Variants in RNGTT observed in about 807,000 individuals in gnomAD.
RNGTT encodes the protein RNA guanylyltransferase and 5'-phosphatase.
Under a neutral mutation model 79.3 loss-of-function variants are expected in RNGTT, and 33 were observed. The ratio of observed to expected loss-of-function variants is 0.42; its 90% CI spans 0.32 to 0.56. The LOEUF (loss-of-function observed/expected upper bound fraction) is 0.56, where lower values mean the gene tolerates loss of function less well. Ranked by LOEUF, RNGTT falls within the 20% of genes least tolerant of loss-of-function variation. The pLI is 0.17. For synonymous variants in RNGTT, 222 were observed against 235.9 expected, an observed-to-expected ratio of 0.94 and a Z score of 0.54; for missense variants, 497 against 739.1, an observed-to-expected ratio of 0.67 and a Z score of 3.80.
At chr6:88,760,084 T>C (rs1461442140) in intron 13 of RNGTT, among the ~76,000 whole-genome samples, 3 of 152,184 alleles carry the variant, frequency 2.0e-5, no homozygotes, top group Non-Finnish European at 2.9e-5. Context: ...AATCAAATTA[T>C]AAAACAAAGG....
chr6:88,878,246 C>G (rs1260658928), intron 8 of RNGTT, among the ~76,000 whole-genome samples: 1 of 152,030 alleles, frequency 6.6e-6, no homozygotes, highest in Non-Finnish European at 1.5e-5. Context: ...CAGATGCAAG[C>G]CACCACACCT....
At chr6:88,753,468 C>T (rs1777904668) in intron 13 of RNGTT, among the ~76,000 whole-genome samples, 1 of 151,068 alleles carries the variant, frequency 6.6e-6, no homozygotes, top group African/African-American at 2.4e-5. Context: ...CACACCACTG[C>T]ACTCTAGCCT....
At chr6:88,824,530 G>T (rs1025498925) in intron 11 of RNGTT, among the ~76,000 whole-genome samples, 2 of 151,986 alleles carry the variant, frequency 1.3e-5, no homozygotes, top group Non-Finnish European at 1.5e-5. Context: ...TAAATTAAAT[G>T]ACATTAAAAA....
intron 11 of RNGTT, among the ~76,000 whole-genome samples, chr6:88,834,607 TTTC>T (rs1253248065): frequency 1.3e-5 from 2 of 152,170 alleles, no homozygotes; most frequent in Non-Finnish European, 2.9e-5. Context: ...GCAAAAATTC[TTTC>T]TTCTCTTCAA....
At position 88,829,721 on chromosome 6, in the gene RNGTT, A is replaced by AAC. The variant is rs1554221604; in HGVS notation, c.1269+14635_1269+14636insGT. On this transcript the variant is annotated intron_variant, in intron 11 of 15. Transcript: ENST00000369485. ...GAAAGCAAAAAAAAAAAAAAAAAAA[A>AAC]AAACCAGGGGTTGCAATCCTAGTCT... Among the ~76,000 whole-genome samples the AAC allele has an allele frequency of 8.7e-4, 100 of 115,582 alleles. 2 individuals carry two copies. The highest frequency in any genetic ancestry group is 1.0e-3 in the Non-Finnish European group (53 of 53,120). 75.8% of individuals were successfully genotyped at this position (115,582 alleles called of 152,430 possible). A position where few individuals can be genotyped will look rare whatever the true frequency, so the allele number is the denominator to read the frequency against.
Position 88,709,955 on chromosome 6 carries a change from G to A in RNGTT, c.1440-31536C>T, listed in dbSNP as rs188782487. 1.2e-4 allele frequency among the ~76,000 whole-genome samples: 18 copies of A among 152,278 alleles called. No individual in the cohort carries two copies. The East Asian group carries it at 3.1e-3, about 26-fold the overall frequency. The stretch of plus-strand genomic sequence containing the variant: ...TGCTAGAAACTGTAAGTAGTGTATT[G>A]TTTGTATATAAACAAATGCAATTGA... On this transcript the variant is annotated intron_variant, in intron 13 of 15. Transcript: ENST00000369485.
intron 8 of RNGTT, among the ~76,000 whole-genome samples, chr6:88,883,343 C>T (rs1417335866): frequency 9.2e-5 from 14 of 152,132 alleles, no homozygotes. Flanking sequence ...CCTACCAAAA[C>T]CATATATTTC....
At chr6:88,678,482 AT>A in intron 13 of RNGTT, 63 bp from the exon 14 acceptor site, 1 of 1,117,610 alleles carries the variant, frequency 8.9e-7, no homozygotes, top group Non-Finnish European at 1.2e-6. Flanking sequence ...TTGTATAATT[AT>A]CAAAATTTGA....
intron 4 of RNGTT, among the ~76,000 whole-genome samples, chr6:88,925,450 G>C (rs1784288856): frequency 1.3e-5 from 2 of 151,936 alleles, no homozygotes; most frequent in East Asian, 1.9e-4. Flanking sequence ...AATTAGCAGG[G>C]TGTGGTGGTG....
intron 13 of RNGTT, among the ~76,000 whole-genome samples, chr6:88,694,414 G>A (rs530494677): frequency 2.6e-5 from 4 of 151,976 alleles, no homozygotes; most frequent in Admixed American, 1.3e-4. Context: ...GCCTACACAC[G>A]AAAAATTATA....
At chr6:88,853,521 AAG>A in intron 9 of RNGTT, 106 bp downstream of exon 9, 2 of 870,606 alleles carry the variant, frequency 2.3e-6, no homozygotes, top group South Asian at 1.7e-5. Context: ...AAAAAAAAAA[AAG>A]TTAGATTTCA....
intron 11 of RNGTT, among the ~76,000 whole-genome samples, chr6:88,833,962 A>G (rs1429146550): frequency 1.3e-5 from 2 of 152,226 alleles, no homozygotes; most frequent in African/African-American, 4.8e-5. Flanking sequence ...CAGAAGTTGC[A>G]GTGAGCCGAG....
At chr6:88,712,617 T>A (rs1776356473) in intron 13 of RNGTT, among the ~76,000 whole-genome samples, 1 of 152,216 alleles carries the variant, frequency 6.6e-6, no homozygotes, top group Non-Finnish European at 1.5e-5. Context: ...TGATAATACT[T>A]TAGTTTTATT....
intron 11 of RNGTT, among the ~76,000 whole-genome samples, chr6:88,825,217 C>T (rs1156685843): frequency 6.6e-6 from 1 of 152,196 alleles, no homozygotes; most frequent in Non-Finnish European, 1.5e-5. Context: ...TAATAATTGA[C>T]ACAATATCCC....
At chr6:88,861,226 C>T (rs1156592214) in intron 8 of RNGTT, among the ~76,000 whole-genome samples, 1 of 152,136 alleles carries the variant, frequency 6.6e-6, no homozygotes, top group Admixed American at 6.6e-5. Flanking sequence ...GAAATAAATT[C>T]AAGTATACTA....
At chr6:88,739,197 CTTATTA>C (rs963945807) in intron 13 of RNGTT, among the ~76,000 whole-genome samples, 16 of 152,134 alleles carry the variant, frequency 1.1e-4, no homozygotes, top group Non-Finnish European at 5.9e-5. Flanking sequence ...TGATACTATT[CTTATTA>C]TTAACAAGCT....
In RNGTT at chr6:88,737,316, ATT is replaced by A. The variant is rs574207181; in HGVS notation, c.1439+32456_1439+32457del. 6.8e-4 allele frequency among the ~76,000 whole-genome samples: 104 copies of A among 152,288 alleles called. 1 individual carries two copies. The highest frequency in any genetic ancestry group is 1.4e-3 in the Non-Finnish European group (92 of 68,022). ...TTTCACAGATTCACAGCTAGAGAGA[ATT>A]TTGTCTCAGGACGAATCATACCTCG... On this transcript the variant is annotated intron_variant, in intron 13 of 15. Coordinates refer to ENST00000369485, the MANE Select transcript of RNGTT (RefSeq NM_003800.5).
intron 14 of RNGTT, among the ~76,000 whole-genome samples, chr6:88,647,804 C>T (rs1773636147): frequency 6.6e-6 from 1 of 151,022 alleles, no homozygotes; most frequent in African/African-American, 2.5e-5. Flanking sequence ...CTTAACCAAT[C>T]AATCTGTTCT....
intron 13 of RNGTT, among the ~76,000 whole-genome samples, chr6:88,734,721 T>G (rs1253844384): frequency 6.6e-6 from 1 of 152,134 alleles, no homozygotes; most frequent in Non-Finnish European, 1.5e-5. Context: ...AACACTATGG[T>G]GACGTACAAG....
Sources: allele counts gnomAD v4.1 joint callset (sites outside exome capture counted in the v4.1 genomes callset), GRCh38; gene constraint gnomAD v4.1.1; transcripts MANE v1.5; gene names NCBI Gene and HGNC (gene_info 2026-07-23, HGNC 2026-07-21).